Variants in FGD5 observed in about 807,000 individuals in gnomAD.
FGD5 encodes the protein FYVE, RhoGEF and PH domain containing 5, also known as FYVE, RhoGEF and PH domain-containing protein 5.
FGD5 carries 28 observed loss-of-function variants against 133.4 expected under a neutral mutation model. The observed-to-expected ratio is 0.21, with a 90% CI of 0.16 to 0.29. FGD5 has a LOEUF of 0.29. Ranked by LOEUF, FGD5 falls within the 10% of genes least tolerant of loss-of-function variation. The probability of loss-of-function intolerance (pLI) is 1.00; values close to 1 mark genes in which losing one functional copy is unlikely to be tolerated. For missense variants in FGD5, 1,858 were observed against 1,895.2 expected (o/e 0.98, Z 0.36); for synonymous variants, 810 against 776.5 (o/e 1.04, Z -0.72).
chr3:14,881,668 A>G (rs1012099532), intron 4 of FGD5, among the ~76,000 whole-genome samples: 12 of 152,206 alleles, frequency 7.9e-5, no homozygotes, highest in East Asian at 1.9e-4. Flanking sequence ...ACTGGGTTCT[A>G]TGGTGCTTTG....
chr3:14,908,968 T>C (rs1230475074), intron 10 of FGD5, among the ~76,000 whole-genome samples: 4 of 146,244 alleles, frequency 2.7e-5, no homozygotes, highest in Admixed American at 6.7e-5. Flanking sequence ...ATTCATTCAT[T>C]CATCCATTCA....
At chr3:14,884,218 A>G (rs2037880993) in intron 4 of FGD5, among the ~76,000 whole-genome samples, 1 of 152,194 alleles carries the variant, frequency 6.6e-6, no homozygotes, top group Non-Finnish European at 1.5e-5. Context: ...ATCTAAAACA[A>G]GTCTCTCCTA....
chr3:14,907,604 C>G, intron 9 of FGD5, 36 bp from the exon 10 acceptor site: 1 of 1,600,974 alleles, frequency 6.2e-7, no homozygotes, highest in African/African-American at 1.3e-5. Context: ...GGTAGGGGCC[C>G]TGACCATCTC....
chr3:14,931,746 G>A (rs903949029), intron 18 of FGD5: 2 of 152,224 alleles, frequency 1.3e-5, no homozygotes, highest in African/African-American at 2.4e-5. Flanking sequence ...AGCACAGACA[G>A]TGCAAGTGCT....
intron 1 of FGD5, among the ~76,000 whole-genome samples, chr3:14,847,193 C>T (rs1006408819): frequency 3.9e-5 from 6 of 152,106 alleles, no homozygotes; most frequent in Non-Finnish European, 2.9e-5. Flanking sequence ...TTGGAAATGC[C>T]GACCCCCACC....
chr3:14,887,946 G>A (rs1215553306), intron 4 of FGD5, among the ~76,000 whole-genome samples: 2 of 151,796 alleles, frequency 1.3e-5, no homozygotes, highest in Non-Finnish European at 2.9e-5. Context: ...CGGGAAGATT[G>A]TTTAAGGCCA....
chr3:14,907,476 A>AGGC (rs2038361815), intron 9 of FGD5, among the ~76,000 whole-genome samples, 164 bp from the exon 10 acceptor site: 1 of 152,208 alleles, frequency 6.6e-6, no homozygotes, highest in African/African-American at 2.4e-5. Flanking sequence ...CTGCAGACCC[A>AGGC]GGCTCGGATC....
At chr3:14,859,055 C>T (rs1575213037) in intron 1 of FGD5, among the ~76,000 whole-genome samples, 2 of 152,304 alleles carry the variant, frequency 1.3e-5, no homozygotes, top group Admixed American at 6.5e-5. Flanking sequence ...ATCATACTTG[C>T]TCTTTCATGT....
At chr3:14,810,799 G>C (rs2036280149), upstream of FGD5, 1 of 984,284 alleles carries the variant, frequency 1.0e-6, no homozygotes, top group Admixed American at 6.2e-5. Context: ...AGTCGCACTG[G>C]GACCCGCGGA....
chr3:14,894,523 T>A (rs186070), intron 4 of FGD5, among the ~76,000 whole-genome samples: 90,822 of 124,452 alleles, frequency 0.73, 30,876 homozygotes, highest in East Asian at 0.89. Flanking sequence ...TTTTTTTTTT[T>A]TTCCTTTTTT....
At chr3:14,885,078 A>T (rs1209879210) in intron 4 of FGD5, among the ~76,000 whole-genome samples, 4 of 151,348 alleles carry the variant, frequency 2.6e-5, no homozygotes, top group African/African-American at 9.7e-5. Flanking sequence ...CTTGTCCACT[A>T]GAGGCAAGGT....
intron 7 of FGD5, 149 bp downstream of exon 7, chr3:14,898,975 G>C: frequency 1.4e-6 from 1 of 702,698 alleles, no homozygotes; most frequent in Non-Finnish European, 2.4e-6. Context: ...TTTCCCTCCA[G>C]TTGAGCTTTG....
chr3:14,858,171 A>AGAGT (rs2037322691), intron 1 of FGD5, among the ~76,000 whole-genome samples: 2 of 152,206 alleles, frequency 1.3e-5, no homozygotes, highest in Non-Finnish European at 2.9e-5. Context: ...GAGGCCAGAG[A>AGAGT]GAGTACTTGA....
intron 11 of FGD5, among the ~76,000 whole-genome samples, chr3:14,913,338 C>G (rs1342222814): frequency 6.6e-6 from 1 of 152,346 alleles, no homozygotes; most frequent in Non-Finnish European, 1.5e-5. Context: ...ACAGGTCCTC[C>G]CTCTCTATCT....
At chr3:14,931,791 A>C (rs1030964322) in intron 18 of FGD5, 1 of 152,196 alleles carries the variant, frequency 6.6e-6, no homozygotes, top group Non-Finnish European at 1.5e-5. Flanking sequence ...GTTTTGGAAG[A>C]ATGAGTATAG....
chr3:14,873,795 C>A (rs1227279738), intron 2 of FGD5, among the ~76,000 whole-genome samples: 1 of 150,824 alleles, frequency 6.6e-6, no homozygotes, highest in Non-Finnish European at 1.5e-5. Context: ...GATCTTGGCT[C>A]ACTGCAACCT....
intron 9 of FGD5, among the ~76,000 whole-genome samples, chr3:14,906,004 T>C (rs1454718323): frequency 6.6e-6 from 1 of 152,130 alleles, no homozygotes; most frequent in East Asian, 1.9e-4. Flanking sequence ...TGATCTGGGT[T>C]TGGGTTTTGC....
intron 10 of FGD5, among the ~76,000 whole-genome samples, chr3:14,907,985 A>T (rs1003279991): frequency 2.0e-5 from 3 of 152,208 alleles, no homozygotes; most frequent in Non-Finnish European, 4.4e-5. Flanking sequence ...CCTCACCTCC[A>T]AGGAGAGGAA....
chr3:14,908,625 G>A (rs74429687), intron 10 of FGD5, among the ~76,000 whole-genome samples: 12,825 of 152,140 alleles, frequency 0.084, 789 homozygotes, highest in East Asian at 0.29. Flanking sequence ...GGTGGCTCAT[G>A]CCTGTAATCC....
Sources: allele counts gnomAD v4.1 joint callset (sites outside exome capture counted in the v4.1 genomes callset), GRCh38; gene constraint gnomAD v4.1.1; transcripts MANE v1.5; gene names NCBI Gene and HGNC (gene_info 2026-07-23, HGNC 2026-07-21).